Variants in ACTR3C observed in about 807,000 individuals in gnomAD.
ACTR3C encodes the protein actin related protein 3C, also known as actin-related protein 3C.
A neutral mutation model predicts 26.3 loss-of-function variants in ACTR3C; 18 were observed. The ratio of observed to expected loss-of-function variants is 0.68; its 90% CI spans 0.47 to 1.01. The LOEUF is 1.01. ACTR3C is among the 50% of genes least tolerant of loss of function. The pLI is 0.00. For synonymous variants in ACTR3C, 55 were observed against 94.5 expected, an observed-to-expected ratio of 0.58 and a Z score of 2.42; for missense variants, 184 against 250.7, an observed-to-expected ratio of 0.73 and a Z score of 1.80.
the ACTR3C span, among the ~76,000 whole-genome samples, chr7:149,934,020 G>A: frequency 1.3e-5 from 2 of 148,164 alleles, no homozygotes; most frequent in African/African-American, 2.5e-5. Flanking sequence ...TGCCAGCAAC[G>A]CATAAATTCT....
At chr7:149,946,072 C>G in the ACTR3C span, among the ~76,000 whole-genome samples, 18 of 152,194 alleles carry the variant, frequency 1.2e-4, no homozygotes. Context: ...ATTCTCCCAA[C>G]TTGAATCACC....
chr7:150,081,535 G>A, the ACTR3C span, among the ~76,000 whole-genome samples: 1 of 151,334 alleles, frequency 6.6e-6, no homozygotes, highest in Admixed American at 6.6e-5. Flanking sequence ...AATAGACTAG[G>A]CTTGTTAAAA....
At chr7:149,979,226 T>C in the ACTR3C span, among the ~76,000 whole-genome samples, 504 of 152,322 alleles carry the variant, frequency 3.3e-3, 4 homozygotes, top group African/African-American at 0.011. Flanking sequence ...TCATTATGTG[T>C]CATTGTGGCG....
the ACTR3C span, among the ~76,000 whole-genome samples, chr7:149,930,364 T>C: frequency 6.6e-6 from 1 of 152,194 alleles, no homozygotes; most frequent in Non-Finnish European, 1.5e-5. Flanking sequence ...TCTCAAACAG[T>C]GCAGGAAAGT....
chr7:150,273,317 G>A (rs1192825896), intron 6 of ACTR3C, among the ~76,000 whole-genome samples: 3 of 140,520 alleles, frequency 2.1e-5, no homozygotes, highest in Admixed American at 7.1e-5. Flanking sequence ...TCCCTTTGTC[G>A]CTAAGGCTGG....
the ACTR3C span, among the ~76,000 whole-genome samples, chr7:150,141,959 T>C: frequency 6.6e-6 from 1 of 152,140 alleles, no homozygotes; most frequent in Non-Finnish European, 1.5e-5. Flanking sequence ...TTTCAGGGAC[T>C]GGAGCCAAGA....
At chr7:149,897,653 G>T in the ACTR3C span, among the ~76,000 whole-genome samples, 1 of 152,174 alleles carries the variant, frequency 6.6e-6, no homozygotes, top group Non-Finnish European at 1.5e-5. Flanking sequence ...ATCACCTGAG[G>T]TCAAGAATTC....
the ACTR3C span, among the ~76,000 whole-genome samples, chr7:150,183,117 C>T: frequency 6.6e-6 from 1 of 150,804 alleles, no homozygotes; most frequent in Non-Finnish European, 1.5e-5. Flanking sequence ...TTAAATGCCA[C>T]GTTAGATGTA....
intron 6 of ACTR3C, among the ~76,000 whole-genome samples, chr7:150,279,526 G>T (rs1208005254): frequency 1.3e-5 from 2 of 150,948 alleles, no homozygotes. Flanking sequence ...CAGACTGCTG[G>T]AGCAGGCTAA....
the ACTR3C span, among the ~76,000 whole-genome samples, chr7:150,059,960 G>C: frequency 6.6e-6 from 1 of 152,166 alleles, no homozygotes; most frequent in Admixed American, 6.5e-5. Flanking sequence ...AACATATATA[G>C]AATTTTGTAC....
chr7:150,210,416 C>T, the ACTR3C span, among the ~76,000 whole-genome samples: 2 of 150,420 alleles, frequency 1.3e-5, no homozygotes, highest in African/African-American at 2.5e-5. Context: ...CATATAAAAA[C>T]TTGTACATAA....
At chr7:149,952,454 G>T in the ACTR3C span, among the ~76,000 whole-genome samples, 1 of 147,194 alleles carries the variant, frequency 6.8e-6, no homozygotes, top group South Asian at 2.1e-4. Context: ...AATTATAATT[G>T]AAAAGATTGG....
At chr7:150,159,549 C>T in the ACTR3C span, among the ~76,000 whole-genome samples, 5 of 152,106 alleles carry the variant, frequency 3.3e-5, no homozygotes, top group African/African-American at 1.2e-4. Context: ...AACCCATGCT[C>T]AGTCTCAGGG....
chr7:150,051,198 C>G, the ACTR3C span, among the ~76,000 whole-genome samples: 1 of 151,758 alleles, frequency 6.6e-6, no homozygotes, highest in Admixed American at 6.6e-5. Flanking sequence ...CACGGATACA[C>G]ACATTGCAGT....
chr7:149,948,991 C>G, the ACTR3C span, among the ~76,000 whole-genome samples: 5,133 of 141,952 alleles, frequency 0.036, 109 homozygotes, highest in African/African-American at 0.13. Flanking sequence ...AACATCAAAA[C>G]TATTTCATGT....
the ACTR3C span, among the ~76,000 whole-genome samples, chr7:150,180,073 A>AG: frequency 3.1e-3 from 462 of 151,244 alleles, 18 homozygotes; most frequent in African/African-American, 0.011. Context: ...TGGGAGGCCG[A>AG]GGGGGGTGGA....
chr7:150,180,544 G>A, the ACTR3C span, among the ~76,000 whole-genome samples: 4 of 129,338 alleles, frequency 3.1e-5, no homozygotes, highest in East Asian at 6.4e-4. Context: ...AGGGAGTCTC[G>A]CTCTGTCGCC....
chr7:150,106,841 A>T, the ACTR3C span, among the ~76,000 whole-genome samples: 1 of 146,010 alleles, frequency 6.8e-6, no homozygotes. Flanking sequence ...AAGACAGGAG[A>T]TGTACTGGGT....
At chr7:150,099,636 G>A in the ACTR3C span, among the ~76,000 whole-genome samples, 1 of 151,598 alleles carries the variant, frequency 6.6e-6, no homozygotes, top group Non-Finnish European at 1.5e-5. Context: ...AGCATCCTCA[G>A]GCATCCTGGG....
Sources: gnomAD v4.1 joint callset for allele counts (sites outside exome capture counted in the v4.1 genomes callset) on GRCh38, gnomAD v4.1.1 for gene constraint, MANE v1.5 for transcripts, NCBI Gene and HGNC (gene_info 2026-07-23, HGNC 2026-07-21) for gene names.